The following RASGEF1A variants were observed in gnomAD, a reference collection of about 807,000 sequenced individuals.
RASGEF1A encodes the protein ras-GEF domain-containing family member 1A.
In RASGEF1A, 18 loss-of-function variants were observed where a neutral mutation model predicts 56.4. The ratio of observed to expected loss-of-function variants is 0.32; its 90% CI spans 0.22 to 0.47. RASGEF1A has a LOEUF of 0.47. RASGEF1A is among the 20% of genes least tolerant of loss of function. The probability of loss-of-function intolerance (pLI) is 1.00; values close to 1 mark genes in which losing one functional copy is unlikely to be tolerated. For synonymous variants in RASGEF1A, 245 were observed against 242.6 expected (o/e 1.01, Z -0.09); for missense variants, 422 against 627.1 (o/e 0.67, Z 3.49).
At chr10:43,229,521 A>T in intron 1 of RASGEF1A, 5 of 825,770 alleles carry the variant, frequency 6.1e-6, no homozygotes, top group Non-Finnish European at 7.1e-6. Flanking sequence ...GCGGGTCCTC[A>T]GGGCGGGCAC....
chr10:43,216,355 G>T (rs1840136710), intron 1 of RASGEF1A, among the ~76,000 whole-genome samples: 3 of 152,318 alleles, frequency 2.0e-5, no homozygotes, highest in South Asian at 4.1e-4. Flanking sequence ...TCCCCAGGAG[G>T]CTCCCCCAGG....
chr10:43,233,707 C>T (rs1401909103), intron 1 of RASGEF1A, among the ~76,000 whole-genome samples: 1 of 152,166 alleles, frequency 6.6e-6, no homozygotes, highest in African/African-American at 2.4e-5. Context: ...GGAAAACAGC[C>T]CGATCATGCC....
intron 1 of RASGEF1A, among the ~76,000 whole-genome samples, chr10:43,218,826 C>T (rs995349182): frequency 2.0e-5 from 3 of 152,256 alleles, no homozygotes; most frequent in Non-Finnish European, 2.9e-5. Flanking sequence ...AGGCGCGACG[C>T]GGATAATTAA....
intron 1 of RASGEF1A, among the ~76,000 whole-genome samples, chr10:43,266,530 G>A (rs1329672641): frequency 6.6e-6 from 1 of 151,028 alleles, no homozygotes; most frequent in African/African-American, 2.4e-5. Flanking sequence ...CCCGCCGCGT[G>A]CGCTCCTGCC....
intron 9 of RASGEF1A, 41 bp from the exon 10 acceptor site, chr10:43,198,236 T>C (rs1347615662): frequency 6.5e-7 from 1 of 1,545,074 alleles, no homozygotes; most frequent in Non-Finnish European, 8.8e-7. Flanking sequence ...CACAGCCCCA[T>C]GCCCCTCCGA....
At position 43,229,627 on chromosome 10, in the gene RASGEF1A, G is replaced by A. The variant is rs1001696713; in HGVS notation, c.-6-23505C>T. The A allele has an allele frequency of 2.7e-6, 4 of 1,492,904 alleles. No individual in the cohort carries two copies. In the African/African-American group the frequency reaches 4.4e-5, roughly 16 times the overall value. 92.5% of individuals were successfully genotyped at this position (1,492,904 alleles called of 1,614,324 possible). ...CCGCGGCCTTGCGCCTGGGCCCGCC[G>A]CAGCCCTACCTGGGGCTCCAGGAAC... On this transcript the variant is annotated intron_variant, in intron 1 of 12. Coordinates refer to ENST00000395810, the MANE Select transcript of RASGEF1A (RefSeq NM_145313.4).
intron 1 of RASGEF1A, among the ~76,000 whole-genome samples, chr10:43,245,602 A>C (rs1169912273): frequency 6.6e-6 from 1 of 152,224 alleles, no homozygotes; most frequent in African/African-American, 2.4e-5. Flanking sequence ...TACGTATTCA[A>C]GGAATGTAAG....
At chr10:43,243,561 G>A (rs376770497) in intron 1 of RASGEF1A, among the ~76,000 whole-genome samples, 128 of 139,878 alleles carry the variant, frequency 9.2e-4, no homozygotes, top group Middle Eastern at 5.4e-3. Context: ...CGGCCGCCCC[G>A]TCTGGGAGGT....
intron 1 of RASGEF1A, among the ~76,000 whole-genome samples, chr10:43,260,774 C>CAT (rs1836514485): frequency 1.3e-5 from 2 of 152,226 alleles, no homozygotes; most frequent in African/African-American, 4.8e-5. Context: ...CCTCGACGGC[C>CAT]GTGATCCACA....
intron 1 of RASGEF1A, chr10:43,206,683 C>G: frequency 1.0e-6 from 1 of 987,178 alleles, no homozygotes; most frequent in Non-Finnish European, 1.2e-6. Context: ...GTCTGACTTA[C>G]GGTGGCTGCC....
intron 1 of RASGEF1A, among the ~76,000 whole-genome samples, chr10:43,235,899 C>A (rs972344014): frequency 2.6e-5 from 4 of 152,128 alleles, no homozygotes; most frequent in Non-Finnish European, 4.4e-5. Flanking sequence ...AGTCACTTCC[C>A]CGAGATGAAG....
In RASGEF1A at chr10:43,205,946, A is replaced by C. The variant is rs1043382348; in HGVS notation, c.171T>G (p.Leu57=). 6.2e-7 allele frequency: 1 copy of C among 1,613,364 alleles called. No individual in the cohort carries two copies. Among genetic ancestry groups the C allele is most frequent in the African/African-American group, 1.3e-5 (1 of 75,052 alleles). The stretch of plus-strand genomic sequence containing the variant: ...CGGGGTAATAGTCCACCGTGGGAAC[A>C]AGGTGCTCCATCAGGGCCTCCAGGG... The part of the protein sequence containing the change: ...SGSLEALMEH[L]VPTVDYYPDR... Residue 57 remains leucine (L), a synonymous_variant, in exon 2 of 13, where the codon CTT becomes CTG. Transcript: ENST00000395810.
chr10:43,242,653 C>T (rs1840515851), intron 1 of RASGEF1A, among the ~76,000 whole-genome samples: 1 of 152,200 alleles, frequency 6.6e-6, no homozygotes, highest in African/African-American at 2.4e-5. Context: ...CTGCCTCGGC[C>T]TGCCAAGTGC....
intron 1 of RASGEF1A, among the ~76,000 whole-genome samples, chr10:43,258,002 C>T (rs1322639772): frequency 3.9e-5 from 6 of 152,200 alleles, no homozygotes; most frequent in Non-Finnish European, 5.9e-5. Context: ...GTTACATTTA[C>T]AGGAGGCTCA....
intron 1 of RASGEF1A, among the ~76,000 whole-genome samples, chr10:43,231,117 T>G (rs553250245): frequency 6.6e-6 from 1 of 152,360 alleles, no homozygotes; most frequent in Admixed American, 6.5e-5. Context: ...AATGGCACAG[T>G]GGCCCTCCAG....
In RASGEF1A at chr10:43,196,259, A is replaced by T. The variant is rs143196643; in HGVS notation, c.1431T>A (p.Leu477=). The change falls in exon 13 of 13, where the codon CTT becomes CTA. Residue 477 remains leucine, a synonymous_variant. Coordinates refer to ENST00000395810, the MANE Select transcript of RASGEF1A (RefSeq NM_145313.4). The surrounding 1 kb of genome is among the most constrained non-coding windows in gnomAD (Gnocchi z 4.6). ...TGCATCCGCCTCAGGCTCTGTTCAGAAGGGTGGTCCTAGAGGGGGACAGGA... is the reference window on the plus strand; with the variant it reads ...TGCATCCGCCTCAGGCTCTGTTCAGTAGGGTGGTCCTAGAGGGGGACAGGA... ...KDSWKTLRTT[L]LNRA is the part of the protein sequence containing the mutation. 14 of 1,613,600 alleles carry T rather than the reference A, an allele frequency of 8.7e-6. No homozygotes were observed. Among genetic ancestry groups the T allele is most frequent in the Non-Finnish European group, 1.2e-5 (14 of 1,179,768 alleles).
rs1840681069 is a variant in RASGEF1A at position 43,255,754 on chromosome 10, T to C, written c.-7+11091A>G. On this transcript the variant is annotated intron_variant, in intron 1 of 12. Coordinates refer to ENST00000395810, the MANE Select transcript of RASGEF1A (RefSeq NM_145313.4). ...ACCCTGGAGCCAGGGCTGGGGGTGCTGGGGTGGGAGTAGGCACAAGTGTTG... is the reference window on the plus strand; with the variant it reads ...ACCCTGGAGCCAGGGCTGGGGGTGCCGGGGTGGGAGTAGGCACAAGTGTTG... Among the ~76,000 whole-genome samples, 2 of 151,998 alleles carry C rather than the reference T, an allele frequency of 1.3e-5. 1 individual carries two copies. The highest frequency in any genetic ancestry group is 4.2e-4 in the South Asian group (2 of 4,814).
At chr10:43,257,415 T>C (rs1588953270) in intron 1 of RASGEF1A, among the ~76,000 whole-genome samples, 1 of 152,306 alleles carries the variant, frequency 6.6e-6, no homozygotes, top group South Asian at 2.1e-4. Context: ...CAGTGTTTGG[T>C]GGGGAAGGAG....
intron 1 of RASGEF1A, among the ~76,000 whole-genome samples, chr10:43,212,125 G>A (rs1233883996): frequency 1.3e-5 from 2 of 152,186 alleles, no homozygotes; most frequent in African/African-American, 4.8e-5. Context: ...GGCTGGGGCA[G>A]GTTAACACCC....
Sources: allele counts gnomAD v4.1 joint callset (sites outside exome capture counted in the v4.1 genomes callset), GRCh38; gene constraint gnomAD v4.1.1; non-coding constraint Gnocchi (gnomAD v3.1); transcripts MANE v1.5; gene names NCBI Gene and HGNC (gene_info 2026-07-23, HGNC 2026-07-21).